The following CSMD1 variants were observed in gnomAD, a reference collection of about 807,000 sequenced individuals.
CSMD1 encodes the protein CUB and sushi domain-containing protein 1.
CSMD1 carries 213 observed loss-of-function variants against 417.5 expected under a neutral mutation model. That is an observed-to-expected ratio of 0.51 (90% confidence interval 0.46 to 0.57). The LOEUF (loss-of-function observed/expected upper bound fraction) is 0.57, where lower values mean the gene tolerates loss of function less well. CSMD1 is among the 20% of genes least tolerant of loss of function. The pLI, the probability that CSMD1 is intolerant of heterozygous loss-of-function variation, is 0.00. For missense variants in CSMD1, 6,923 were observed against 4,529.7 expected (o/e 1.53, Z -15.17); for synonymous variants, 2,862 against 1,736.8 (o/e 1.65, Z -16.11).
intron 36 of CSMD1, among the ~76,000 whole-genome samples, chr8:3,185,372 T>C (rs1821682952): frequency 1.3e-5 from 2 of 152,218 alleles, no homozygotes; most frequent in South Asian, 2.1e-4. Flanking sequence ...TTTTTTTCAC[T>C]ATTATTAGTA....
chr8:4,591,660 G>C (rs552678940), intron 2 of CSMD1, among the ~76,000 whole-genome samples: 1 of 152,148 alleles, frequency 6.6e-6, no homozygotes, highest in Non-Finnish European at 1.5e-5. Context: ...AAGTATGTAG[G>C]TCAGTGTCAG....
chr8:4,064,044 G>A lies in CSMD1; in HGVS notation c.416-31945C>T, dbSNP rs73185991. On this transcript the variant is annotated intron_variant, in intron 3 of 69. Transcript: ENST00000635120. Reference sequence around the variant, plus strand: ...GATGCTCAACTGACACCAGCTGAGAGTGAGGGCTCCTGAGAAGTGCGCAGT... The same window carrying A: ...GATGCTCAACTGACACCAGCTGAGAATGAGGGCTCCTGAGAAGTGCGCAGT... Among the ~76,000 whole-genome samples the A allele has an allele frequency of 8.6e-3, 1,315 of 152,328 alleles. 14 individuals are homozygous for A. The highest frequency in any genetic ancestry group is 0.045 in the South Asian group (215 of 4,824).
intron 6 of CSMD1, among the ~76,000 whole-genome samples, chr8:3,743,707 C>G (rs774965863): frequency 2.3e-4 from 35 of 152,136 alleles, no homozygotes; most frequent in Non-Finnish European, 7.3e-5. Context: ...TAAAGACATT[C>G]CTAGTGAGCT....
At chr8:4,486,162 CATATATATATATACATACATATAT>C (rs1398950219) in intron 2 of CSMD1, among the ~76,000 whole-genome samples, 2,918 of 47,546 alleles carry the variant, frequency 0.061, 93 homozygotes, top group East Asian at 0.16. Flanking sequence ...TATATACATA[CATATATATATATACATACATATAT>C]ATATATATAT....
rs74993718 is a variant in CSMD1, at chr8:4,986,414, G to C, written c.85+7918C>G. ...TGTTAAAAAAGAAGAGGAGGAAAAA[G>C]TTTCTCTAAATAGAGGCATAGACAT... is the stretch of plus-strand genomic sequence containing the variant. On this transcript the variant is annotated intron_variant, in intron 1 of 69. Transcript: ENST00000635120. Among the ~76,000 whole-genome samples, 488 of 152,232 alleles carry C rather than the reference G, an allele frequency of 3.2e-3. 11 individuals are homozygous for C. In the East Asian group the frequency reaches 0.078, roughly 24 times the overall value.
intron 3 of CSMD1, among the ~76,000 whole-genome samples, chr8:4,221,704 A>G (rs1157520729): frequency 6.6e-6 from 1 of 152,194 alleles, no homozygotes; most frequent in African/African-American, 2.4e-5. Flanking sequence ...AATAGACTGG[A>G]GGCTTTCTCT....
At chr8:4,443,358 T>G (rs994890806) in intron 2 of CSMD1, among the ~76,000 whole-genome samples, 1 of 152,230 alleles carries the variant, frequency 6.6e-6, no homozygotes, top group Non-Finnish European at 1.5e-5. Flanking sequence ...ACACTGGTCT[T>G]TGAAACAACG....
chr8:2,994,145 C>CAAAAAAAA (rs35438493), intron 54 of CSMD1, among the ~76,000 whole-genome samples: 10 of 30,520 alleles, frequency 3.3e-4, no homozygotes, highest in African/African-American at 2.1e-3. Flanking sequence ...AACTCCATCT[C>CAAAAAAAA]AAAAAAAAAA....
chr8:4,027,053 G>A (rs1243591658), intron 4 of CSMD1, among the ~76,000 whole-genome samples: 1 of 152,214 alleles, frequency 6.6e-6, no homozygotes, highest in Non-Finnish European at 1.5e-5. Context: ...TGGAAAAGAA[G>A]CAGATAGTTC....
chr8:3,839,416 AAAT>A (rs1802952058), intron 5 of CSMD1, among the ~76,000 whole-genome samples: 1 of 56,992 alleles, frequency 1.8e-5, no homozygotes, highest in African/African-American at 5.4e-5. Flanking sequence ...AATAAAAAAT[AAAT>A]ATATATAATA....
chr8:3,566,397 C>G (rs1344302864), intron 10 of CSMD1, among the ~76,000 whole-genome samples: 2 of 151,854 alleles, frequency 1.3e-5, no homozygotes, highest in Non-Finnish European at 2.9e-5. Context: ...ACGAACGGAC[C>G]CAGGACATAC....
At position 4,296,662 on chromosome 8, in the gene CSMD1, C is replaced by G. The variant is rs183180616; in HGVS notation, c.415+123291G>C. 5.4e-5 allele frequency among the ~76,000 whole-genome samples: 8 copies of G among 147,082 alleles called. No individual in the cohort carries two copies. In the East Asian group the frequency reaches 8.0e-4, roughly 15 times the overall value. Reference sequence around the variant, plus strand: ...ACTATTAACTCGTATGTGGAGGTCCCTAGGCTTGGGTCCCTGAAAACACGA... The same window carrying G: ...ACTATTAACTCGTATGTGGAGGTCCGTAGGCTTGGGTCCCTGAAAACACGA... On this transcript the variant is annotated intron_variant, in intron 3 of 69. Coordinates refer to ENST00000635120, the MANE Select transcript of CSMD1 (RefSeq NM_033225.6).
chr8:3,347,801 A>C (rs1808111307), intron 22 of CSMD1, among the ~76,000 whole-genome samples, 191 bp downstream of exon 22: 1 of 152,232 alleles, frequency 6.6e-6, no homozygotes, highest in Non-Finnish European at 1.5e-5. Context: ...GTTATTTCAA[A>C]GTCCACATAC....
In CSMD1 at chr8:4,982,867, C is replaced by T. The variant is rs115764179; in HGVS notation, c.85+11465G>A. On this transcript the variant is annotated intron_variant, in intron 1 of 69. Coordinates refer to ENST00000635120, the MANE Select transcript of CSMD1 (RefSeq NM_033225.6). ...TGTCTCTTGTTGCCAGCAAAGAATG[C>T]AGGAAAGGTAATTTTGTAACTGCAG... Among the ~76,000 whole-genome samples the T allele has an allele frequency of 8.6e-3, 1,316 of 152,226 alleles. 23 individuals carry two copies. The highest frequency in any genetic ancestry group is 0.029 in the African/African-American group (1,213 of 41,546).
intron 5 of CSMD1, among the ~76,000 whole-genome samples, chr8:3,803,261 A>T (rs1246773996): frequency 1.3e-5 from 2 of 152,174 alleles, no homozygotes; most frequent in Admixed American, 6.5e-5. Context: ...AAAGTCAGGA[A>T]CACGGGTTCT....
intron 2 of CSMD1, among the ~76,000 whole-genome samples, chr8:4,597,580 A>C (rs1280475924): frequency 1.3e-5 from 2 of 152,352 alleles, no homozygotes; most frequent in East Asian, 3.9e-4. Context: ...CAACAAAAAA[A>C]GAAATAAAAC....
intron 3 of CSMD1, among the ~76,000 whole-genome samples, chr8:4,193,267 T>G (rs1029229389): frequency 2.6e-5 from 4 of 152,158 alleles, no homozygotes; most frequent in African/African-American, 7.2e-5. Flanking sequence ...TGAAAATACG[T>G]TGCATCACAC....
intron 10 of CSMD1, among the ~76,000 whole-genome samples, chr8:3,517,180 C>T (rs1251995170): frequency 6.6e-6 from 1 of 152,102 alleles, no homozygotes; most frequent in Non-Finnish European, 1.5e-5. Flanking sequence ...TGCCTGTCAC[C>T]AGATGTTTGA....
intron 2 of CSMD1, among the ~76,000 whole-genome samples, chr8:4,589,009 T>C (rs1373901195): frequency 6.6e-6 from 1 of 152,276 alleles, no homozygotes; most frequent in East Asian, 1.9e-4. Context: ...ACACGTTATG[T>C]ATACATTATA....
Sources: gnomAD v4.1 joint callset for allele counts (sites outside exome capture counted in the v4.1 genomes callset) on GRCh38, gnomAD v4.1.1 for gene constraint, MANE v1.5 for transcripts, NCBI Gene and HGNC (gene_info 2026-07-23, HGNC 2026-07-21) for gene names.